Variants in CACNA2D3 observed in about 807,000 individuals in gnomAD.
The protein encoded by CACNA2D3 is calcium voltage-gated channel auxiliary subunit alpha2delta 3.
In CACNA2D3, 60 loss-of-function variants were observed where a neutral mutation model predicts 160.6. The ratio of observed to expected loss-of-function variants is 0.37; its 90% confidence interval spans 0.30 to 0.46. CACNA2D3 has a LOEUF of 0.46. Among genes scored for constraint, CACNA2D3 ranks in the 20% least tolerant of loss-of-function variants. The pLI, the probability that CACNA2D3 is intolerant of heterozygous loss-of-function variation, is 1.00. For synonymous variants in CACNA2D3, 558 were observed against 492.9 expected (o/e 1.13, Z -1.75); for missense variants, 1,205 against 1,365.0 (o/e 0.88, Z 1.85).
intron 35 of CACNA2D3, 44 bp from the exon 36 acceptor site, chr3:55,073,401 T>A: frequency 3.4e-6 from 5 of 1,455,562 alleles, no homozygotes; most frequent in Non-Finnish European, 3.9e-6. Context: ...GCTCTTTAAT[T>A]GACGGATGGT....
intron 31 of CACNA2D3, among the ~76,000 whole-genome samples, chr3:54,993,885 AGTGTGTGT>A (rs34012508): frequency 0.012 from 1,304 of 111,520 alleles, 29 homozygotes; most frequent in African/African-American, 0.041. Context: ...TGCAACTGCT[AGTGTGTGT>A]GTGTGTGTGT....
At chr3:54,916,687 A>T (rs1235315525) in intron 27 of CACNA2D3, among the ~76,000 whole-genome samples, 1 of 152,118 alleles carries the variant, frequency 6.6e-6, no homozygotes, top group Non-Finnish European at 1.5e-5. Context: ...TCCGTGTGAG[A>T]CCTGCACAGT....
intron 17 of CACNA2D3, among the ~76,000 whole-genome samples, chr3:54,857,265 A>G (rs976201937): frequency 3.9e-5 from 6 of 152,120 alleles, no homozygotes; most frequent in African/African-American, 1.4e-4. Context: ...TTTGTTGACA[A>G]ATTCCTATTT....
At chr3:54,918,363 G>GTTTTT in intron 27 of CACNA2D3, 34 of 215,460 alleles carry the variant, frequency 1.6e-4, no homozygotes, top group Non-Finnish European at 2.4e-4. Context: ...TTTGTCTTTT[G>GTTTTT]GCAAAAGCAA....
intron 35 of CACNA2D3, among the ~76,000 whole-genome samples, chr3:55,044,462 AAACT>A (rs1477962714): frequency 6.6e-6 from 1 of 152,140 alleles, no homozygotes; most frequent in Non-Finnish European, 1.5e-5. Context: ...GAACTTTTCT[AAACT>A]AACTTATTAG....
chr3:54,914,299 C>G (rs1402153106), intron 27 of CACNA2D3, among the ~76,000 whole-genome samples: 1 of 152,092 alleles, frequency 6.6e-6, no homozygotes, highest in Non-Finnish European at 1.5e-5. Context: ...AATTATGAGG[C>G]CTTGTCTGGG....
At chr3:54,210,208 C>A (rs1701347853) in intron 2 of CACNA2D3, among the ~76,000 whole-genome samples, 1 of 152,106 alleles carries the variant, frequency 6.6e-6, no homozygotes, top group Non-Finnish European at 1.5e-5. Flanking sequence ...GAGGTGGCAC[C>A]TGTGGCCCGG....
At chr3:54,222,842 T>C (rs1701601587) in intron 2 of CACNA2D3, among the ~76,000 whole-genome samples, 1 of 152,254 alleles carries the variant, frequency 6.6e-6, no homozygotes, top group African/African-American at 2.4e-5. Context: ...GAATACGTAG[T>C]TAAGTTTTGA....
chr3:54,927,841 T>C (rs1701068661), intron 27 of CACNA2D3: 1 of 1,562,774 alleles, frequency 6.4e-7, no homozygotes, highest in African/African-American at 1.4e-5. Context: ...CAGATACCTT[T>C]GTGAGGGGAT....
intron 14 of CACNA2D3, among the ~76,000 whole-genome samples, chr3:54,822,839 T>G (rs1486801247): frequency 7.2e-6 from 1 of 139,202 alleles, no homozygotes; most frequent in Non-Finnish European, 1.5e-5. Flanking sequence ...TTCTTTTCTT[T>G]CTTTCTTTCT....
At chr3:54,524,707 G>A (rs187214959) in intron 5 of CACNA2D3, among the ~76,000 whole-genome samples, 12 of 151,990 alleles carry the variant, frequency 7.9e-5, no homozygotes, top group South Asian at 2.1e-4. Context: ...ATATCTTCCC[G>A]ACAGATTTAC....
chr3:54,212,487 A>G (rs1387592854), intron 2 of CACNA2D3, among the ~76,000 whole-genome samples: 1 of 152,206 alleles, frequency 6.6e-6, no homozygotes, highest in Non-Finnish European at 1.5e-5. Flanking sequence ...TGTGGAGAAC[A>G]AAGTTTTACC....
intron 10 of CACNA2D3, among the ~76,000 whole-genome samples, chr3:54,631,289 A>G (rs1277551100): frequency 6.6e-6 from 1 of 151,594 alleles, no homozygotes; most frequent in Admixed American, 6.7e-5. Context: ...GATTAACACT[A>G]TATTTGTTTG....
chr3:54,476,331 C>T (rs1013510302), intron 4 of CACNA2D3, among the ~76,000 whole-genome samples: 1 of 151,216 alleles, frequency 6.6e-6, no homozygotes, highest in Non-Finnish European at 1.5e-5. Context: ...AGGTTGTTTT[C>T]ATATCTTGGC....
chr3:54,156,211 G>A (rs544376153), intron 2 of CACNA2D3, among the ~76,000 whole-genome samples: 2 of 152,308 alleles, frequency 1.3e-5, no homozygotes, highest in South Asian at 2.1e-4. Context: ...GGGGAGCGGG[G>A]AAATGAGACA....
chr3:55,058,225 A>G (rs1183756830), intron 35 of CACNA2D3, among the ~76,000 whole-genome samples: 3 of 152,216 alleles, frequency 2.0e-5, no homozygotes, highest in African/African-American at 2.4e-5. Flanking sequence ...AGCAGACTAC[A>G]TGATTTGTTT....
At chr3:54,890,468 C>T (rs1700032767) in intron 24 of CACNA2D3, among the ~76,000 whole-genome samples, 1 of 145,552 alleles carries the variant, frequency 6.9e-6, no homozygotes, top group Non-Finnish European at 1.5e-5. Flanking sequence ...TGCACTCCAG[C>T]CTGGGTGACA....
chr3:54,466,561 G>T (rs192119460), intron 4 of CACNA2D3, among the ~76,000 whole-genome samples: 1 of 152,170 alleles, frequency 6.6e-6, no homozygotes, highest in East Asian at 1.9e-4. Context: ...CATTGCAAGT[G>T]TTATTCATAT....
intron 35 of CACNA2D3, among the ~76,000 whole-genome samples, chr3:55,045,882 C>A (rs1233063763): frequency 6.6e-6 from 1 of 151,918 alleles, no homozygotes; most frequent in Non-Finnish European, 1.5e-5. Flanking sequence ...GTTTTCTATT[C>A]TCAATTCTAA....
Sources: allele counts gnomAD v4.1 joint callset (sites outside exome capture counted in the v4.1 genomes callset), GRCh38; gene constraint gnomAD v4.1.1; transcripts MANE v1.5; gene names NCBI Gene and HGNC (gene_info 2026-07-23, HGNC 2026-07-21).